The following IKBKB-DT variants were observed in gnomAD, a reference collection of about 807,000 sequenced individuals.
The protein encoded by IKBKB-DT is IKBKB antisense RNA.
intron 3 of IKBKB-DT, among the ~76,000 whole-genome samples, chr8:42,245,994 T>G (rs1022353646): frequency 6.6e-6 from 1 of 152,204 alleles, no homozygotes; most frequent in African/African-American, 2.4e-5. Flanking sequence ...ATCCTGCTGT[T>G]AAAAAGAATA....
chr8:42,241,205 C>T (rs968554431), intron 3 of IKBKB-DT, among the ~76,000 whole-genome samples: 3 of 128,358 alleles, frequency 2.3e-5, no homozygotes, highest in Non-Finnish European at 1.6e-5. Context: ...ACAGTTGATG[C>T]CTTTAGATAT....
intron 3 of IKBKB-DT, among the ~76,000 whole-genome samples, chr8:42,235,979 G>T (rs1039671189): frequency 6.6e-6 from 1 of 152,004 alleles, no homozygotes. Flanking sequence ...AGTCAGCTGA[G>T]ATCACACAAC....
At chr8:42,255,180 G>A (rs867957778) in intron 3 of IKBKB-DT, 2 of 152,344 alleles carry the variant, frequency 1.3e-5, no homozygotes, top group Non-Finnish European at 2.9e-5. Context: ...TCTGGGAAGT[G>A]AGGAGTGCCT....
intron 1 of IKBKB-DT, among the ~76,000 whole-genome samples, chr8:42,268,281 C>G (rs539715578): frequency 6.6e-6 from 1 of 151,670 alleles, no homozygotes; most frequent in South Asian, 2.1e-4. Flanking sequence ...ATTACAGGCA[C>G]GTGCCACCAC....
intron 3 of IKBKB-DT, among the ~76,000 whole-genome samples, chr8:42,245,166 A>C (rs1431362515): frequency 3.3e-5 from 5 of 152,066 alleles, no homozygotes; most frequent in African/African-American, 1.2e-4. Flanking sequence ...GAGGCAGGGG[A>C]ATCGCTTGAA....
intron 3 of IKBKB-DT, among the ~76,000 whole-genome samples, chr8:42,244,330 C>T (rs1000101287): frequency 6.6e-6 from 1 of 152,160 alleles, no homozygotes; most frequent in African/African-American, 2.4e-5. Flanking sequence ...TGGAACAGAG[C>T]CCATTCCGTT....
chr8:42,234,085 G>T (rs972301092), intron 3 of IKBKB-DT, among the ~76,000 whole-genome samples: 1 of 152,184 alleles, frequency 6.6e-6, no homozygotes, highest in African/African-American at 2.4e-5. Flanking sequence ...GGTCTGCTTT[G>T]GGAAAGGGCT....
chr8:42,262,264 C>T (rs1446629475), intron 3 of IKBKB-DT, among the ~76,000 whole-genome samples: 1 of 150,008 alleles, frequency 6.7e-6, no homozygotes, highest in Non-Finnish European at 1.5e-5. Context: ...CACATGTACC[C>T]TAAAACTTAA....
intron 3 of IKBKB-DT, among the ~76,000 whole-genome samples, chr8:42,260,619 G>A (rs964673070): frequency 5.7e-5 from 8 of 139,250 alleles, no homozygotes; most frequent in Admixed American, 5.5e-4. Context: ...GCAGTGAGCC[G>A]AGATGCACCA....
intron 3 of IKBKB-DT, among the ~76,000 whole-genome samples, chr8:42,234,982 A>C (rs1022717476): frequency 2.0e-5 from 3 of 152,130 alleles, no homozygotes; most frequent in African/African-American, 7.2e-5. Flanking sequence ...CTGTTATAAA[A>C]CTAATGAAAG....
intron 3 of IKBKB-DT, among the ~76,000 whole-genome samples, chr8:42,253,501 TG>T (rs1396199477): frequency 6.6e-6 from 1 of 152,098 alleles, no homozygotes; most frequent in African/African-American, 2.4e-5. Flanking sequence ...TCAGAAGGGT[TG>T]GAAAAAAATT....
At chr8:42,271,017 G>A (rs1416928453) in exon 1 of IKBKB-DT, 2 of 222,256 alleles carry the variant, frequency 9.0e-6, no homozygotes, top group African/African-American at 2.4e-5. Context: ...CTAGGGGGCC[G>A]GGTGAAGAAA....
chr8:42,267,656 T>C (rs1232819016), intron 1 of IKBKB-DT, among the ~76,000 whole-genome samples: 2 of 152,146 alleles, frequency 1.3e-5, no homozygotes, highest in African/African-American at 4.8e-5. Context: ...AAAAGCACAC[T>C]CAGCCTCAAA....
intron 3 of IKBKB-DT, among the ~76,000 whole-genome samples, chr8:42,240,316 G>A (rs193296564): frequency 6.6e-6 from 1 of 150,938 alleles, no homozygotes; most frequent in African/African-American, 2.4e-5. Flanking sequence ...TGTCTCTTAA[G>A]TTTATTTAGA....
At chr8:42,267,501 T>A (rs1807391867) in intron 1 of IKBKB-DT, among the ~76,000 whole-genome samples, 1 of 152,166 alleles carries the variant, frequency 6.6e-6, no homozygotes, top group African/African-American at 2.4e-5. Context: ...CATGGCTCCC[T>A]GTGGGTCTTA....
chr8:42,235,686 C>T (rs1172960413), intron 3 of IKBKB-DT, among the ~76,000 whole-genome samples: 1 of 152,198 alleles, frequency 6.6e-6, no homozygotes, highest in Non-Finnish European at 1.5e-5. Context: ...TGAAAACCTC[C>T]TAACCTCCAA....
chr8:42,235,950 G>A (rs945846343), intron 3 of IKBKB-DT, among the ~76,000 whole-genome samples: 8 of 151,996 alleles, frequency 5.3e-5, no homozygotes, highest in Admixed American at 5.2e-4. Context: ...CCGGGTGGGG[G>A]TTGGGGGGCG....
intron 3 of IKBKB-DT, among the ~76,000 whole-genome samples, chr8:42,253,802 C>T (rs567825054): frequency 2.0e-4 from 31 of 152,266 alleles, no homozygotes; most frequent in African/African-American, 5.8e-4. Flanking sequence ...ATTTATAACC[C>T]GACGCATCCA....
chr8:42,248,880 A>C (rs545979448), intron 3 of IKBKB-DT, among the ~76,000 whole-genome samples: 12 of 152,134 alleles, frequency 7.9e-5, no homozygotes, highest in South Asian at 2.1e-4. Flanking sequence ...AAAAAAAAAA[A>C]AAAAAACAAA....
Sources: gnomAD v4.1 joint callset for allele counts (sites outside exome capture counted in the v4.1 genomes callset) on GRCh38, gnomAD v4.1.1 for gene constraint, MANE v1.5 for transcripts, NCBI Gene and HGNC (gene_info 2026-07-23, HGNC 2026-07-21) for gene names.